Variants in CNPY4 observed in about 807,000 individuals in gnomAD.
The protein encoded by CNPY4 is canopy FGF signaling regulator 4, also known as protein canopy homolog 4.
Under a neutral mutation model 30.1 loss-of-function variants are expected in CNPY4, and 33 were observed. The ratio of observed to expected loss-of-function variants is 1.10; its 90% CI spans 0.83 to 1.46. The LOEUF is 1.46. CNPY4 is among the 40% of genes most tolerant of loss of function. The pLI, the probability that CNPY4 is intolerant of heterozygous loss-of-function variation, is 0.00. For missense variants in CNPY4, 324 were observed against 302.6 expected, an observed-to-expected ratio of 1.07 and a Z score of -0.52; for synonymous variants, 109 against 110.1, an observed-to-expected ratio of 0.99 and a Z score of 0.06.
rs1438348999 is a variant in CNPY4, at chr7:100,124,876, A to G, written c.735A>G (p.Arg245=). ...CAGGAAGCCACCCCAAACTTGACCGAGAAGATCTTTGACCCTTGCCTTTGA... is the reference window on the plus strand; with the variant it reads ...CAGGAAGCCACCCCAAACTTGACCGGGAAGATCTTTGACCCTTGCCTTTGA... ...TKTGSHPKLD[R]EDL Residue 245 remains arginine, a synonymous_variant, in exon 6 of 6, where the codon CGA becomes CGG. Coordinates refer to ENST00000262932, the MANE Select transcript of CNPY4 (RefSeq NM_152755.2). 3.8e-6 allele frequency: 6 copies of G among 1,597,684 alleles called. No individual in the cohort carries two copies. The highest frequency in any genetic ancestry group is 5.1e-6 in the Non-Finnish European group (6 of 1,171,978).
Position 100,125,057 on chromosome 7 carries a change from A to T in CNPY4, c.*169A>T. Reference sequence around the variant, plus strand: ...CAAGATCCTGGTGAAACAGCATGACATGGCTTCTGGGGTGGAGGGTGGGGG... The same window carrying T: ...CAAGATCCTGGTGAAACAGCATGACTTGGCTTCTGGGGTGGAGGGTGGGGG... On this transcript the variant is annotated 3_prime_UTR_variant, in exon 6 of 6. Transcript: ENST00000262932. 63 of 671,316 alleles carry T rather than the reference A, an allele frequency of 9.4e-5. No individual in the cohort carries two copies. The highest frequency in any genetic ancestry group is 1.2e-4 in the Non-Finnish European group (52 of 418,576). The allele number at this position is 671,316 out of a possible 1,614,324, so 41.6% of individuals were successfully genotyped here.
Position 100,124,610 on chromosome 7 carries a change from G to A in CNPY4, c.562G>A (p.Val188Met). The change falls in exon 5 of 6, where the codon GTG becomes ATG. Residue 188 changes from valine to methionine, a missense_variant. Coordinates refer to ENST00000262932, the MANE Select transcript of CNPY4 (RefSeq NM_152755.2). Reference sequence around the variant, plus strand: ...ACAAAATTTTCTCTGTGAAGGTCATGTGCTCCCAGCTGCTGAAACTGGTAA... The same window carrying A: ...ACAAAATTTTCTCTGTGAAGGTCATATGCTCCCAGCTGCTGAAACTGGTAA... ...PLQNFLCEGHVLPAAETACLQ... is the reference protein window; with the variant it reads ...PLQNFLCEGHMLPAAETACLQ... 6.2e-7 allele frequency: 1 copy of A among 1,613,434 alleles called. No individual in the cohort carries two copies.
At position 100,124,972 on chromosome 7, in the gene CNPY4, G is replaced by T; in HGVS notation, c.*84G>T. On this transcript the variant is annotated 3_prime_UTR_variant, in exon 6 of 6. Transcript: ENST00000262932. ...ACTCTCCCTGCTCCACAGCTTTCAGGGTGTGTTTATGAGTGACTCCACCCA... is the reference window on the plus strand; with the variant it reads ...ACTCTCCCTGCTCCACAGCTTTCAGTGTGTGTTTATGAGTGACTCCACCCA... 1.3e-6 allele frequency: 2 copies of T among 1,484,210 alleles called. No individual in the cohort carries two copies. Among genetic ancestry groups the T allele is most frequent in the South Asian group, 1.4e-5 (1 of 73,736 alleles). 91.9% of individuals were successfully genotyped at this position (1,484,210 alleles called of 1,614,324 possible). A position where few individuals can be genotyped will look rare whatever the true frequency, so the allele number is the denominator to read the frequency against.
In CNPY4 at chr7:100,122,212, G is replaced by C. The variant is rs749291757; in HGVS notation, c.119-47G>C. The C allele has an allele frequency of 2.3e-5, 37 of 1,609,824 alleles. No homozygotes were observed. In the Admixed American group the frequency reaches 4.8e-4, roughly 21 times the overall value. On this transcript the variant is annotated intron_variant, in intron 1 of 5. Transcript: ENST00000262932. ...AGGTCATCTGCAGAATGAATGGCTG[G>C]TGTGTTTGTCTTTTACCTCCCCCCG...
intron 3 of CNPY4, 22 bp from the exon 4 acceptor site, chr7:100,122,762 T>C: frequency 1.2e-6 from 2 of 1,607,080 alleles, no homozygotes; most frequent in Non-Finnish European, 1.7e-6. Context: ...GCTGGGCTGA[T>C]GCCAAATTCT....
intron 1 of CNPY4, 192 bp downstream of exon 1, chr7:100,120,054 G>C: frequency 4.1e-6 from 2 of 493,612 alleles, no homozygotes; most frequent in South Asian, 6.5e-5. Context: ...TGCATCCAGA[G>C]AGAGCCTGCA....
intron 3 of CNPY4, 77 bp from the exon 4 acceptor site, chr7:100,122,707 C>T: frequency 1.3e-6 from 2 of 1,533,320 alleles, no homozygotes; most frequent in East Asian, 2.3e-5. Context: ...CAGTAGTTGA[C>T]AAAACTGAAA....
Position 100,122,344 on chromosome 7 carries a change from G to A in CNPY4, c.204G>A (p.Leu68=), listed in dbSNP as rs1798098947. The A allele has an allele frequency of 1.9e-6, 3 of 1,614,146 alleles. No homozygotes were observed. The African/African-American group carries it at 4.0e-5, about 22-fold the overall frequency. ...SREVLELGQV[L]DTGKRKRHVP... ...AGGTGCTGGAGCTGGGGCAGGTGCT[G>A]GATACAGGCAAGAGGAAGAGACACG... The change falls in exon 2 of 6, where the codon CTG becomes CTA. Residue 68 remains leucine, a synonymous_variant. Transcript: ENST00000262932.
intron 1 of CNPY4, chr7:100,120,491 C>G (rs945688052): frequency 6.6e-6 from 1 of 152,314 alleles, no homozygotes; most frequent in Non-Finnish European, 1.5e-5. Context: ...CCCTGATGCC[C>G]TAGTTTGCTG....
chr7:100,120,149 T>C (rs1797988570), intron 1 of CNPY4: 5 of 305,034 alleles, frequency 1.6e-5, no homozygotes, highest in Middle Eastern at 1.0e-3. Context: ...GACTGCCAAC[T>C]TTTAGAGCAT....
chr7:100,119,756 G>A lies in CNPY4; in HGVS notation c.12G>A (p.Val4=). The stretch of plus-strand genomic sequence containing the variant: ...GACGGCGCTTTGTCATGGGACCTGT[G>A]CGGTTGGGAATATTGCTTTTCCTTT... MGP[V]RLGILLFLFL... Residue 4 remains valine (V), a synonymous_variant, in exon 1 of 6, where the codon GTG becomes GTA. Transcript: ENST00000262932. 1 of 1,614,204 alleles carries A rather than the reference G, an allele frequency of 6.2e-7. No individual in the cohort carries two copies. Among genetic ancestry groups the A allele is most frequent in the Non-Finnish European group, 8.5e-7 (1 of 1,180,024 alleles).
chr7:100,125,310 T>C lies in CNPY4; in HGVS notation c.*422T>C, dbSNP rs1798182843. 6.0e-6 allele frequency: 1 copy of C among 167,060 alleles called. No individual in the cohort carries two copies. The highest frequency in any genetic ancestry group is 2.4e-5 in the African/African-American group (1 of 41,550). 10.3% of individuals were successfully genotyped at this position (167,060 alleles called of 1,614,324 possible). On this transcript the variant is annotated 3_prime_UTR_variant, in exon 6 of 6. Transcript: ENST00000262932. ...GACATTCTCTGCGATCTATATACAT[T>C]GCCTGTATCCAGGAGGCTACACACC...
chr7:100,124,799 G>C lies in CNPY4; in HGVS notation c.658G>C (p.Glu220Gln), dbSNP rs760842898. 2.5e-6 allele frequency: 4 copies of C among 1,570,818 alleles called. No individual in the cohort carries two copies. The highest frequency in any genetic ancestry group is 1.7e-5 in the Admixed American group (1 of 58,360). ...GAAAACAGAAGGGGAGGAAGAGCAG[G>C]AGGAGGAGGAGGAAGAGGAGGAAGA... ...EEKTEGEEEQ[E>Q]EEEEEEEEEG... The change falls in exon 6 of 6, where the codon GAG becomes CAG. Residue 220 changes from glutamate to glutamine, a missense_variant. By Grantham distance (29) the Glu-to-Gln change is conservative. Coordinates refer to ENST00000262932, the MANE Select transcript of CNPY4 (RefSeq NM_152755.2).
intron 3 of CNPY4, 42 bp from the exon 4 acceptor site, chr7:100,122,742 G>T: frequency 1.3e-6 from 2 of 1,591,880 alleles, no homozygotes; most frequent in Non-Finnish European, 1.7e-6. Flanking sequence ...AGGGAGGGGT[G>T]GGGTGGTGAG....
Position 100,122,515 on chromosome 7 carries a change from T to A in CNPY4, c.280T>A (p.Cys94Ser), listed in dbSNP as rs761427171. The A allele has an allele frequency of 1.2e-6, 2 of 1,614,036 alleles. No homozygotes were observed. Among genetic ancestry groups the A allele is most frequent in the Non-Finnish European group, 1.7e-6 (2 of 1,180,016 alleles). Residue 94 changes from cysteine to serine, a missense_variant, in exon 3 of 6, where the codon TGT (cysteine) becomes AGT (serine). Coordinates refer to ENST00000262932, the MANE Select transcript of CNPY4 (RefSeq NM_152755.2). ...TRLEEALENLCERILDYSVHA... is the reference protein window; with the variant it reads ...TRLEEALENLSERILDYSVHA... ...GCTGGAAGAGGCCTTAGAGAATTTATGTGAGCGGATCCTGGACTATAGTGT... is the reference window on the plus strand; with the variant it reads ...GCTGGAAGAGGCCTTAGAGAATTTAAGTGAGCGGATCCTGGACTATAGTGT...
chr7:100,122,182 G>A, intron 1 of CNPY4, 77 bp from the exon 2 acceptor site: 1 of 1,578,772 alleles, frequency 6.3e-7, no homozygotes, highest in Non-Finnish European at 8.6e-7. Flanking sequence ...ATGCTCTGCT[G>A]CCTCAGGTCA....
rs754277562 is a variant in CNPY4 at position 100,124,564 on chromosome 7, C to T, written c.516C>T (p.Phe172=). ...EFEDIVGDWY[F]HHQEQPLQNF... is the part of the protein sequence containing the mutation. Reference sequence around the variant, plus strand: ...AAGACATTGTGGGAGACTGGTACTTCCACCATCAGGAGCAGCCCCTACAAA... The same window carrying T: ...AAGACATTGTGGGAGACTGGTACTTTCACCATCAGGAGCAGCCCCTACAAA... The change falls in exon 5 of 6, where the codon TTC becomes TTT. Residue 172 remains phenylalanine, a synonymous_variant. Transcript: ENST00000262932. 13 of 1,612,976 alleles carry T rather than the reference C, an allele frequency of 8.1e-6. No individual in the cohort carries two copies. The highest frequency in any genetic ancestry group is 1.1e-5 in the Non-Finnish European group (13 of 1,179,892).
At position 100,119,882 on chromosome 7, in the gene CNPY4, C is replaced by T. The variant is rs111538446; in HGVS notation, c.118+20C>T. The T allele has an allele frequency of 6.3e-7, 1 of 1,584,176 alleles. No individual in the cohort carries two copies. Among genetic ancestry groups the T allele is most frequent in the South Asian group, 1.1e-5 (1 of 88,516 alleles). On this transcript the variant is annotated intron_variant, in intron 1 of 5. Transcript: ENST00000262932. ...GCGAAGGTATTTGAAGGGGGTAGCC[C>T]CTATAGGCATCGCCCGGCCACACCT...
rs750210856 is a variant in CNPY4 at position 100,119,688 on chromosome 7, A to G, written c.-57A>G. 5.0e-6 allele frequency: 8 copies of G among 1,613,710 alleles called. No homozygotes were observed. The highest frequency in any genetic ancestry group is 3.3e-5 in the South Asian group (3 of 91,038). Reference sequence around the variant, plus strand: ...AGCCGCCTGGGAATTTAAGGGACCCACACTACCTTCCCGAAGTTGAAGGCA... The same window carrying G: ...AGCCGCCTGGGAATTTAAGGGACCCGCACTACCTTCCCGAAGTTGAAGGCA... On this transcript the variant is annotated 5_prime_UTR_variant, in exon 1 of 6. Coordinates refer to ENST00000262932, the MANE Select transcript of CNPY4 (RefSeq NM_152755.2).
Sources: allele counts gnomAD v4.1 joint callset, GRCh38; gene constraint gnomAD v4.1.1; transcripts MANE v1.5; gene names NCBI Gene and HGNC (gene_info 2026-07-23, HGNC 2026-07-21).